The following PCDHGB1 variants were observed in gnomAD, a reference collection of about 807,000 sequenced individuals.
PCDHGB1 encodes protocadherin gamma subfamily B, 1.
Under a neutral mutation model 56.6 loss-of-function variants are expected in PCDHGB1, and 34 were observed. That is an observed-to-expected ratio of 0.60 (90% CI 0.46 to 0.80). The LOEUF (loss-of-function observed/expected upper bound fraction) is 0.80, where lower values mean the gene tolerates loss of function less well. PCDHGB1 is among the 30% of genes least tolerant of loss of function. PCDHGB1 has a pLI of 0.00. For missense variants in PCDHGB1, 1,278 were observed against 1,204.6 expected (o/e 1.06, Z -0.90); for synonymous variants, 561 against 505.9 (o/e 1.11, Z -1.46).
chr5:141,367,678 G>A (rs1215387701), intron 1 of PCDHGB1: 1 of 152,144 alleles, frequency 6.6e-6, no homozygotes, highest in Non-Finnish European at 1.5e-5. Context: ...GGCTTGTTGA[G>A]AGAAGAAATC....
intron 1 of PCDHGB1, chr5:141,364,801 G>A: frequency 1.2e-6 from 2 of 1,613,992 alleles, no homozygotes; most frequent in Non-Finnish European, 1.7e-6. Flanking sequence ...TTCCCTTCGC[G>A]CGGGATGCGG....
At chr5:141,366,444 T>C (rs1255938272) in intron 1 of PCDHGB1, 2 of 1,614,214 alleles carry the variant, frequency 1.2e-6, no homozygotes, top group Non-Finnish European at 1.7e-6. Flanking sequence ...TGCGTCTTCC[T>C]GGCCTTCGTC....
chr5:141,414,649 AT>A (rs1410490912), intron 1 of PCDHGB1: 15 of 1,613,914 alleles, frequency 9.3e-6, no homozygotes, highest in Non-Finnish European at 1.3e-5. Context: ...TGCCCAGATT[AT>A]TTACTCCCTG....
intron 1 of PCDHGB1, among the ~76,000 whole-genome samples, chr5:141,463,762 T>C (rs113547206): frequency 2.0e-5 from 3 of 152,214 alleles, no homozygotes; most frequent in African/African-American, 4.8e-5. Flanking sequence ...TCTTCTCTTA[T>C]GGGTTAGAAT....
chr5:141,405,149 G>T (rs1469979881), intron 1 of PCDHGB1: 4 of 1,614,038 alleles, frequency 2.5e-6, no homozygotes, highest in Non-Finnish European at 3.4e-6. Context: ...TGATGGGTTG[G>T]CTGGTGTGCC....
At position 141,484,779 on chromosome 5, in the gene PCDHGB1, C is replaced by G. The variant is rs186158562; in HGVS notation, c.2410-10028C>G. On this transcript the variant is annotated intron_variant, in intron 1 of 3. Transcript: ENST00000523390. ...ATATATATATATGTTGTCTGCCTCCCCACAGAGATAACAACCCGTGGAAAA... is the reference window on the plus strand; with the variant it reads ...ATATATATATATGTTGTCTGCCTCCGCACAGAGATAACAACCCGTGGAAAA... Among the ~76,000 whole-genome samples, 137 of 152,130 alleles carry G rather than the reference C, an allele frequency of 9.0e-4. 1 individual carries two copies. Among genetic ancestry groups the G allele is most frequent in the Non-Finnish European group, 1.6e-3 (110 of 67,996 alleles).
chr5:141,370,545 G>A (rs768607566), intron 1 of PCDHGB1: 2 of 1,613,866 alleles, frequency 1.2e-6, no homozygotes, highest in Non-Finnish European at 1.7e-6. Context: ...AGGGAACCTC[G>A]CCAAGGACCT....
At chr5:141,422,865 C>A in intron 1 of PCDHGB1, 6 of 1,614,244 alleles carry the variant, frequency 3.7e-6, no homozygotes, top group Non-Finnish European at 5.1e-6. Flanking sequence ...TCAGCAGCAA[C>A]GTGTCGCTGA....
chr5:141,400,645 G>T, intron 1 of PCDHGB1: 1 of 1,239,756 alleles, frequency 8.1e-7, no homozygotes, highest in Non-Finnish European at 1.2e-6. Context: ...TGCTCAGAAA[G>T]CTGTCCTACC....
chr5:141,403,273 A>C, intron 1 of PCDHGB1: 1 of 1,613,886 alleles, frequency 6.2e-7, no homozygotes, highest in African/African-American at 1.3e-5. Context: ...TGAACTTTAA[A>C]GTCCTGGTTG....
In PCDHGB1 at chr5:141,414,949, G is replaced by A. The variant is rs774769957; in HGVS notation, c.2409+62280G>A. On this transcript the variant is annotated intron_variant, in intron 1 of 3. Transcript: ENST00000523390. ...CCGCTCCGCAGAGCCCGGCTACCTGGTGACCAAGGTGGTGGCGGTGGACAG... is the reference window on the plus strand; with the variant it reads ...CCGCTCCGCAGAGCCCGGCTACCTGATGACCAAGGTGGTGGCGGTGGACAG... The A allele has an allele frequency of 8.1e-6, 13 of 1,614,096 alleles. 1 individual carries two copies. The South Asian group carries it at 1.4e-4, about 18-fold the overall frequency.
intron 1 of PCDHGB1, among the ~76,000 whole-genome samples, chr5:141,353,336 T>A (rs1759250755): frequency 6.6e-6 from 1 of 152,230 alleles, no homozygotes; most frequent in Admixed American, 6.5e-5. Context: ...CAAGTTAAAG[T>A]TCATCAATTA....
chr5:141,427,129 T>A lies in PCDHGB1; in HGVS notation c.2410-67678T>A, dbSNP rs752552669. ...GAGATCACCTACTCTTTCAAATCCC[T>A]ACGAGATGATATTGGAAATATGTTT... On this transcript the variant is annotated intron_variant, in intron 1 of 3. Coordinates refer to ENST00000523390, the MANE Select transcript of PCDHGB1 (RefSeq NM_018922.3). 125 of 457,106 alleles carry A rather than the reference T, an allele frequency of 2.7e-4. 2 individuals are homozygous for A. Among genetic ancestry groups the A allele is most frequent in the Non-Finnish European group, 4.0e-5 (9 of 227,024 alleles). The allele number at this position is 457,106 out of a possible 1,614,324, so 28.3% of individuals were successfully genotyped here.
At chr5:141,484,795 C>G (rs1265916821) in intron 1 of PCDHGB1, among the ~76,000 whole-genome samples, 1 of 151,902 alleles carries the variant, frequency 6.6e-6, no homozygotes, top group Middle Eastern at 3.4e-3. Flanking sequence ...AGATAACAAC[C>G]CGTGGAAAAA....
At chr5:141,352,925 T>C (rs1029791650) in intron 1 of PCDHGB1, among the ~76,000 whole-genome samples, 10 of 152,020 alleles carry the variant, frequency 6.6e-5, no homozygotes, top group African/African-American at 2.4e-4. Context: ...GAGGTGGAGA[T>C]TGTAGTGAGC....
Position 141,431,054 on chromosome 5 carries a change from G to T in PCDHGB1, c.2410-63753G>T. 6.2e-7 allele frequency: 1 copy of T among 1,614,198 alleles called. No individual in the cohort carries two copies. The highest frequency in any genetic ancestry group is 8.5e-7 in the Non-Finnish European group (1 of 1,180,004). ...AGACCGGGAGGAGCTCTGTATGGGG[G>T]CCATCAAGTGTCAATTAAATCTAGA... On this transcript the variant is annotated intron_variant, in intron 1 of 3. Transcript: ENST00000523390. This position sits in a 1 kb window ranked among gnomAD's most constrained non-coding sequence, Gnocchi z 4.8.
intron 1 of PCDHGB1, chr5:141,375,127 T>C (rs368439130): frequency 2.5e-6 from 4 of 1,613,808 alleles, no homozygotes; most frequent in African/African-American, 1.3e-5. Flanking sequence ...CAGAAGTGGT[T>C]GTTACATCTG....
intron 1 of PCDHGB1, chr5:141,371,069 C>T (rs1417206970): frequency 3.1e-6 from 5 of 1,613,908 alleles, no homozygotes; most frequent in South Asian, 1.1e-5. Context: ...GAAGCTGTAC[C>T]ACCCAGATCA....
In PCDHGB1 at chr5:141,350,113, T is replaced by G. The variant is rs1758410599; in HGVS notation, c.-148T>G. ...TCAGGCAGGGTGCCTTCCTGCTTTG[T>G]CCGGTGCACTGAGCACAGACGCTGC... On this transcript the variant is annotated 5_prime_UTR_variant, in exon 1 of 4. Transcript: ENST00000523390. The G allele has an allele frequency of 1.1e-5, 6 of 556,050 alleles. No homozygotes were observed. The highest frequency in any genetic ancestry group is 1.7e-5 in the Non-Finnish European group (6 of 355,372). The allele number at this position is 556,050 out of a possible 1,614,324, so 34.4% of individuals were successfully genotyped here. A position where few individuals can be genotyped will look rare whatever the true frequency, so the allele number is the denominator to read the frequency against.
Sources: allele counts gnomAD v4.1 joint callset (sites outside exome capture counted in the v4.1 genomes callset), GRCh38; gene constraint gnomAD v4.1.1; non-coding constraint Gnocchi (gnomAD v3.1); transcripts MANE v1.5; gene names NCBI Gene and HGNC (gene_info 2026-07-23, HGNC 2026-07-21).